Variants in LMCD1 observed in about 807,000 individuals in gnomAD.
LMCD1 encodes LIM and cysteine-rich domains protein 1.
In LMCD1, 32 loss-of-function variants were observed where a neutral mutation model predicts 42.7. The observed-to-expected ratio is 0.75, with a 90% CI of 0.57 to 1.01. LMCD1 has a LOEUF of 1.01. LMCD1 is among the 50% of genes least tolerant of loss of function. The pLI is 0.00. For missense variants in LMCD1, 458 were observed against 483.1 expected (o/e 0.95, Z 0.49); for synonymous variants, 178 against 184.9 (o/e 0.96, Z 0.30).
At chr3:8,562,416 C>T (rs1375867518) in intron 4 of LMCD1, among the ~76,000 whole-genome samples, 3 of 152,182 alleles carry the variant, frequency 2.0e-5, no homozygotes, top group Non-Finnish European at 2.9e-5. Context: ...TCTCCCCACC[C>T]GACCCAGCTC....
At chr3:8,508,333 C>A (rs1420705309) in intron 1 of LMCD1, among the ~76,000 whole-genome samples, 4 of 152,108 alleles carry the variant, frequency 2.6e-5, no homozygotes, top group Non-Finnish European at 5.9e-5. Flanking sequence ...CCTGGGCCCC[C>A]ACCGGGACAT....
rs537683667 is a variant in LMCD1, at chr3:8,551,362, T to C, written c.723+2459T>C. 1.6e-5 allele frequency: 16 copies of C among 984,660 alleles called. No homozygotes were observed. In the African/African-American group the frequency reaches 2.6e-4, roughly 16 times the overall value. 61.0% of individuals were successfully genotyped at this position (984,660 alleles called of 1,614,324 possible). ...GACGGTGCGATTCCAGTTCCACATTTATTAAGCCCCTGCTCTGTGCCAAAC... is the reference window on the plus strand; with the variant it reads ...GACGGTGCGATTCCAGTTCCACATTCATTAAGCCCCTGCTCTGTGCCAAAC... On this transcript the variant is annotated intron_variant, in intron 4 of 5. Coordinates refer to ENST00000157600, the MANE Select transcript of LMCD1 (RefSeq NM_014583.4).
At chr3:8,549,020 C>A in intron 4 of LMCD1, 117 bp downstream of exon 4, 1 of 751,508 alleles carries the variant, frequency 1.3e-6, no homozygotes, top group Non-Finnish European at 2.0e-6. Context: ...TGAATTTGTG[C>A]ATTCAGCAGA....
At chr3:8,551,102 G>A in intron 4 of LMCD1, 1 of 985,262 alleles carries the variant, frequency 1.0e-6, no homozygotes, top group Non-Finnish European at 1.2e-6. Context: ...GCTAGGCTGG[G>A]CTAGCTGTGG....
chr3:8,534,440 A>T (rs1199170896), intron 2 of LMCD1, among the ~76,000 whole-genome samples: 6 of 152,182 alleles, frequency 3.9e-5, no homozygotes, highest in Admixed American at 2.0e-4. Context: ...ACATCAAGTG[A>T]ATTTGTCTTT....
chr3:8,565,674 G>A (rs1315908316), intron 5 of LMCD1, 27 bp downstream of exon 5: 22 of 1,548,628 alleles, frequency 1.4e-5, no homozygotes, highest in Non-Finnish European at 1.9e-5. Flanking sequence ...AGATGGGTTA[G>A]GGGGCTTGAG....
At chr3:8,538,056 G>C (rs548076503) in intron 3 of LMCD1, among the ~76,000 whole-genome samples, 1 of 152,114 alleles carries the variant, frequency 6.6e-6, no homozygotes, top group Admixed American at 6.5e-5. Flanking sequence ...TGGAATCCCC[G>C]GGACCTGCAG....
rs1267478820 is a variant in LMCD1, at chr3:8,565,415, C to T, written c.724-17C>T. On this transcript the variant is annotated splice_polypyrimidine_tract_variant and intron_variant, in intron 4 of 5. Transcript: ENST00000157600. The stretch of plus-strand genomic sequence containing the variant: ...CCTGACTTCCTTGTCTCCTATGGTC[C>T]TTCCCCATCCTTCCAGGTCTGCGAG... 6.2e-7 allele frequency: 1 copy of T among 1,608,478 alleles called. No homozygotes were observed. The highest frequency in any genetic ancestry group is 8.5e-7 in the Non-Finnish European group (1 of 1,175,122).
At chr3:8,558,176 C>T (rs1694961462) in intron 4 of LMCD1, among the ~76,000 whole-genome samples, 1 of 152,186 alleles carries the variant, frequency 6.6e-6, no homozygotes, top group Admixed American at 6.5e-5. Context: ...GGACCATATT[C>T]ATGGAAAAGG....
intron 1 of LMCD1, among the ~76,000 whole-genome samples, chr3:8,524,602 A>AT (rs1408713278): frequency 6.6e-6 from 1 of 152,064 alleles, no homozygotes; most frequent in African/African-American, 2.4e-5. Flanking sequence ...TGAAAAGGGA[A>AT]TTTTTTTCAG....
intron 5 of LMCD1, 80 bp downstream of exon 5, chr3:8,565,727 G>A: frequency 7.6e-7 from 1 of 1,315,886 alleles, no homozygotes; most frequent in South Asian, 1.3e-5. Flanking sequence ...AGAGGAGCAT[G>A]GCTTTGTGGA....
chr3:8,525,009 T>C (rs1339576458), intron 1 of LMCD1, among the ~76,000 whole-genome samples: 1 of 152,210 alleles, frequency 6.6e-6, no homozygotes, highest in Non-Finnish European at 1.5e-5. Context: ...GATATTCATA[T>C]ACATTGTGTA....
rs74895663 is a variant in LMCD1 at position 8,554,374 on chromosome 3, G to A, written c.723+5471G>A. Among the ~76,000 whole-genome samples the A allele has an allele frequency of 9.6e-3, 1,461 of 152,262 alleles. 13 individuals are homozygous for A. The highest frequency in any genetic ancestry group is 0.024 in the Middle Eastern group (7 of 294). On this transcript the variant is annotated intron_variant, in intron 4 of 5. Coordinates refer to ENST00000157600, the MANE Select transcript of LMCD1 (RefSeq NM_014583.4). The stretch of plus-strand genomic sequence containing the variant: ...GTTGGGGTGGGGCCTCGGCAGGGTG[G>A]GTCCGACCATGCCAGGGGATATATA...
At chr3:8,549,298 A>C (rs73135673) in intron 4 of LMCD1, among the ~76,000 whole-genome samples, 17,264 of 152,172 alleles carry the variant, frequency 0.11, 1,165 homozygotes, top group South Asian at 0.22. Flanking sequence ...GAGCATTTGC[A>C]AAAAGAGCCA....
intron 4 of LMCD1, among the ~76,000 whole-genome samples, chr3:8,551,917 A>G (rs114628136): frequency 5.9e-5 from 9 of 152,342 alleles, no homozygotes; most frequent in African/African-American, 1.9e-4. Flanking sequence ...AAGGGCAATG[A>G]TTTTTGCAAG....
intron 3 of LMCD1, among the ~76,000 whole-genome samples, chr3:8,544,889 G>A (rs1384845901): frequency 8.5e-5 from 13 of 152,190 alleles, no homozygotes; most frequent in African/African-American, 3.1e-4. Context: ...TGTCCAGGAT[G>A]AGCAATTTGC....
chr3:8,519,741 CAA>C (rs59146036), intron 1 of LMCD1, among the ~76,000 whole-genome samples: 31 of 109,440 alleles, frequency 2.8e-4, no homozygotes, highest in Admixed American at 5.5e-4. Flanking sequence ...CATATGATAG[CAA>C]AAAAAAAAAA....
At position 8,567,996 on chromosome 3, in the gene LMCD1, T is replaced by C. The variant is rs1262877195; in HGVS notation, c.*398T>C. 1 of 154,880 alleles carries C rather than the reference T, an allele frequency of 6.5e-6. No individual in the cohort carries two copies. Among genetic ancestry groups the C allele is most frequent in the Non-Finnish European group, 1.4e-5 (1 of 70,028 alleles). 9.6% of individuals were successfully genotyped at this position (154,880 alleles called of 1,614,324 possible). ...CGTGCTTTTTTGTGGACACAGGAGC[T>C]CCTCCAGGAGCAGGCTGGGATCCCA... On this transcript the variant is annotated 3_prime_UTR_variant, in exon 6 of 6. Transcript: ENST00000157600.
At chr3:8,565,944 G>T (rs868681984) in intron 5 of LMCD1, among the ~76,000 whole-genome samples, 19 of 152,174 alleles carry the variant, frequency 1.2e-4, no homozygotes, top group South Asian at 4.1e-4. Flanking sequence ...CATTGCCCAC[G>T]TTCAAACCTG....
Sources: allele counts gnomAD v4.1 joint callset (sites outside exome capture counted in the v4.1 genomes callset), GRCh38; gene constraint gnomAD v4.1.1; transcripts MANE v1.5; gene names NCBI Gene and HGNC (gene_info 2026-07-23, HGNC 2026-07-21).